ABCG1: variants seen among roughly 807,000 people sequenced by gnomAD.
The protein encoded by ABCG1 is ATP-binding cassette sub-family G member 1.
A neutral mutation model predicts 69.2 loss-of-function variants in ABCG1; 29 were observed. The observed-to-expected ratio is 0.42, with a 90% CI of 0.31 to 0.57. ABCG1 has a LOEUF of 0.57. Ranked by LOEUF, ABCG1 falls within the 20% of genes least tolerant of loss-of-function variation. The probability of loss-of-function intolerance (pLI) is 0.15; values close to 1 mark genes in which losing one functional copy is unlikely to be tolerated. For missense variants in ABCG1, 718 were observed against 898.1 expected, an observed-to-expected ratio of 0.80 and a Z score of 2.56; for synonymous variants, 370 against 374.8, an observed-to-expected ratio of 0.99 and a Z score of 0.15.
rs917636548 is a variant in ABCG1 at position 42,273,188 on chromosome 21, C to A, written c.405-115C>A. 2 of 1,441,970 alleles carry A rather than the reference C, an allele frequency of 1.4e-6. No individual in the cohort carries two copies. The highest frequency in any genetic ancestry group is 1.9e-6 in the Non-Finnish European group (2 of 1,074,748). 89.3% of individuals were successfully genotyped at this position (1,441,970 alleles called of 1,614,324 possible). A position where few individuals can be genotyped will look rare whatever the true frequency, so the allele number is the denominator to read the frequency against. ...CTCGGGGTCCCCGTGGCCAGTGGTTCAGCTGGGAAGATGCTGGGAGGCAAG... is the reference window on the plus strand; with the variant it reads ...CTCGGGGTCCCCGTGGCCAGTGGTTAAGCTGGGAAGATGCTGGGAGGCAAG... On this transcript the variant is annotated intron_variant, in intron 3 of 14. Coordinates refer to ENST00000398449, the MANE Select transcript of ABCG1 (RefSeq NM_016818.3). This position sits in a 1 kb window ranked among gnomAD's most constrained non-coding sequence, Gnocchi z 5.3.
intron 2 of ABCG1, among the ~76,000 whole-genome samples, chr21:42,227,899 G>A (rs561689976): frequency 6.6e-6 from 1 of 152,144 alleles, no homozygotes; most frequent in South Asian, 2.1e-4. Flanking sequence ...GATCTCATGA[G>A]AACTCCCTCA....
chr21:42,274,475 C>CTTT (rs57783276), intron 4 of ABCG1, among the ~76,000 whole-genome samples: 9,131 of 128,786 alleles, frequency 0.071, 396 homozygotes, highest in South Asian at 0.092. Context: ...TTTCCAGGGC[C>CTTT]TTTTTTTTTT....
At chr21:42,264,129 G>T (rs1187993841) in intron 2 of ABCG1, among the ~76,000 whole-genome samples, 2 of 152,144 alleles carry the variant, frequency 1.3e-5, no homozygotes, top group African/African-American at 4.8e-5. Flanking sequence ...TGCTCATCTG[G>T]GGTGCCTGGT....
chr21:42,280,744 G>T (rs941978414), intron 5 of ABCG1, among the ~76,000 whole-genome samples: 1 of 152,194 alleles, frequency 6.6e-6, no homozygotes, highest in African/African-American at 2.4e-5. Context: ...AAGATGTGCC[G>T]CATGTGTGGG....
upstream of ABCG1, among the ~76,000 whole-genome samples, chr21:42,211,209 C>T (rs997087794): frequency 1.6e-4 from 24 of 152,110 alleles, no homozygotes; most frequent in African/African-American, 4.8e-4. Flanking sequence ...CCGCCCGCCT[C>T]GGGCTCCCAA....
intron 5 of ABCG1, among the ~76,000 whole-genome samples, chr21:42,280,106 G>A (rs923561079): frequency 5.9e-5 from 9 of 152,312 alleles, no homozygotes; most frequent in South Asian, 4.1e-4. Context: ...GCCACGCTGC[G>A]TCCTGCACAT....
intron 2 of ABCG1, among the ~76,000 whole-genome samples, chr21:42,231,588 G>A (rs1233610515): frequency 1.3e-5 from 2 of 152,240 alleles, no homozygotes; most frequent in African/African-American, 4.8e-5. Flanking sequence ...AAAGTGCATG[G>A]AAGGCATCAT....
chr21:42,239,517 C>T (rs772040668), intron 2 of ABCG1, among the ~76,000 whole-genome samples: 12 of 152,216 alleles, frequency 7.9e-5, no homozygotes, highest in South Asian at 2.1e-4. Context: ...GTTTCCTAGG[C>T]GCCGGGCAGT....
chr21:42,280,805 G>A (rs1395017075), intron 5 of ABCG1, among the ~76,000 whole-genome samples: 8 of 152,238 alleles, frequency 5.3e-5, no homozygotes, highest in African/African-American at 1.4e-4. Context: ...GGCCAAGAGC[G>A]TCGCCCAGTG....
intron 1 of ABCG1, chr21:42,221,088 GT>G (rs1318037942): frequency 3.3e-5 from 5 of 152,126 alleles, no homozygotes; most frequent in African/African-American, 9.7e-5. Context: ...TGGGCTCATT[GT>G]TTTGGAGAAC....
At chr21:42,238,456 T>C (rs1257203824) in intron 2 of ABCG1, among the ~76,000 whole-genome samples, 2 of 152,208 alleles carry the variant, frequency 1.3e-5, no homozygotes, top group Non-Finnish European at 2.9e-5. Context: ...ATATTATGAC[T>C]AATTTCAGAC....
At chr21:42,242,558 G>A (rs1043652013) in intron 2 of ABCG1, among the ~76,000 whole-genome samples, 1 of 152,190 alleles carries the variant, frequency 6.6e-6, no homozygotes, top group Non-Finnish European at 1.5e-5. Flanking sequence ...GGAGGGAGCT[G>A]TATTATAGAT....
chr21:42,219,731 G>C lies in ABCG1; in HGVS notation c.42+427G>C. On this transcript the variant is annotated intron_variant, in intron 1 of 14. Coordinates refer to ENST00000398449, the MANE Select transcript of ABCG1 (RefSeq NM_016818.3). This position sits in a 1 kb window ranked among gnomAD's most constrained non-coding sequence, Gnocchi z 5.3. Reference sequence around the variant, plus strand: ...GGGAGCCCCGCGCGCGCGGCTGTGGGCTTGGGGACCGGGGACTTCTCGCGC... The same window carrying C: ...GGGAGCCCCGCGCGCGCGGCTGTGGCCTTGGGGACCGGGGACTTCTCGCGC... 1 of 1,230,690 alleles carries C rather than the reference G, an allele frequency of 8.1e-7. No homozygotes were observed. The allele number at this position is 1,230,690 out of a possible 1,614,324, so 76.2% of individuals were successfully genotyped here.
At chr21:42,217,622 A>T (rs918277451), upstream of ABCG1, among the ~76,000 whole-genome samples, 1 of 150,730 alleles carries the variant, frequency 6.6e-6, no homozygotes, top group African/African-American at 2.4e-5. Flanking sequence ...CCTGGTAAAC[A>T]CAGCAGTCAG....
intron 5 of ABCG1, among the ~76,000 whole-genome samples, chr21:42,277,490 C>T (rs552305500): frequency 6.6e-6 from 1 of 151,702 alleles, no homozygotes; most frequent in East Asian, 1.9e-4. Flanking sequence ...GCTTCCTAAA[C>T]CCAGGGAGCA....
chr21:42,275,427 C>T (rs535943633), intron 4 of ABCG1, among the ~76,000 whole-genome samples: 1 of 152,358 alleles, frequency 6.6e-6, no homozygotes, highest in South Asian at 2.1e-4. Context: ...CGAACAGATG[C>T]TGCAAAGCAG....
chr21:42,219,257 C>G lies in ABCG1; in HGVS notation c.-6C>G. On this transcript the variant is annotated 5_prime_UTR_variant, in exon 1 of 15. Coordinates refer to ENST00000398449, the MANE Select transcript of ABCG1 (RefSeq NM_016818.3). This position sits in a 1 kb window ranked among gnomAD's most constrained non-coding sequence, Gnocchi z 5.3. Reference sequence around the variant, plus strand: ...CCGCCGCCGCCGCCGCCGCCGCCCCCGGGGCATGGCCTGTCTGATGGCCGC... The same window carrying G: ...CCGCCGCCGCCGCCGCCGCCGCCCCGGGGGCATGGCCTGTCTGATGGCCGC... 1.9e-6 allele frequency: 3 copies of G among 1,555,196 alleles called. No homozygotes were observed. Among genetic ancestry groups the G allele is most frequent in the East Asian group, 2.5e-5 (1 of 39,554 alleles).
chr21:42,239,869 G>A (rs2068026590), intron 2 of ABCG1, among the ~76,000 whole-genome samples: 1 of 152,226 alleles, frequency 6.6e-6, no homozygotes, highest in Admixed American at 6.5e-5. Context: ...TTTGTCACGT[G>A]GCCTCTGCAG....
upstream of ABCG1, among the ~76,000 whole-genome samples, chr21:42,217,048 G>A (rs548900114): frequency 2.6e-5 from 4 of 152,168 alleles, no homozygotes; most frequent in South Asian, 2.1e-4. Context: ...TCATCCTCAC[G>A]CTCCACACAC....
Sources: gnomAD v4.1 joint callset for allele counts (sites outside exome capture counted in the v4.1 genomes callset) on GRCh38, gnomAD v4.1.1 for gene constraint, Gnocchi (gnomAD v3.1) non-coding constraint, MANE v1.5 for transcripts, NCBI Gene and HGNC (gene_info 2026-07-23, HGNC 2026-07-21) for gene names.